UNC13C: variants seen among roughly 807,000 people sequenced by gnomAD.
The protein encoded by UNC13C is unc-13 homolog C.
A neutral mutation model predicts 245.4 loss-of-function variants in UNC13C; 174 were observed. The observed-to-expected ratio is 0.71, with a 90% CI of 0.63 to 0.80. UNC13C has a LOEUF of 0.80. Ranked by LOEUF, UNC13C falls within the 30% of genes least tolerant of loss-of-function variation. The pLI is 0.00. For synonymous variants in UNC13C, 992 were observed against 895.1 expected (o/e 1.11, Z -1.93); for missense variants, 2,829 against 2,602.9 (o/e 1.09, Z -1.89).
chr15:54,390,224 C>T (rs1390368352), intron 17 of UNC13C, among the ~76,000 whole-genome samples: 2 of 152,146 alleles, frequency 1.3e-5, no homozygotes, highest in Non-Finnish European at 1.5e-5. Context: ...CTGTCTTTTG[C>T]ATGTAATGGC....
chr15:54,289,697 A>T (rs189524152), intron 10 of UNC13C, among the ~76,000 whole-genome samples: 280 of 152,160 alleles, frequency 1.8e-3, no homozygotes, highest in Non-Finnish European at 2.8e-3. Flanking sequence ...GGGTCAAATT[A>T]TGTGGTGACA....
At chr15:54,569,997 G>A (rs1382730375) in intron 30 of UNC13C, among the ~76,000 whole-genome samples, 1 of 151,956 alleles carries the variant, frequency 6.6e-6, no homozygotes, top group Non-Finnish European at 1.5e-5. Flanking sequence ...AGCCTGATGT[G>A]CCACTTACTC....
intron 4 of UNC13C, among the ~76,000 whole-genome samples, chr15:54,217,598 G>C (rs1481424927): frequency 6.6e-6 from 1 of 151,826 alleles, no homozygotes; most frequent in Non-Finnish European, 1.5e-5. Context: ...CTTTAATTTT[G>C]TTTCTGTCTA....
intron 16 of UNC13C, among the ~76,000 whole-genome samples, chr15:54,335,314 T>G (rs138065463): frequency 1.3e-5 from 2 of 152,188 alleles, no homozygotes; most frequent in African/African-American, 4.8e-5. Context: ...TTTCCCTTAA[T>G]AGCAAAACTC....
chr15:54,072,822 C>T (rs1156437277), intron 2 of UNC13C, among the ~76,000 whole-genome samples: 1 of 152,076 alleles, frequency 6.6e-6, no homozygotes, highest in Non-Finnish European at 1.5e-5. Flanking sequence ...ATTTACTAAC[C>T]AAACCTTGAC....
chr15:54,087,757 C>G (rs1267199312), intron 2 of UNC13C, among the ~76,000 whole-genome samples: 1 of 152,126 alleles, frequency 6.6e-6, no homozygotes, highest in Non-Finnish European at 1.5e-5. Context: ...AACTACGAAG[C>G]TGGATTAAAT....
intron 18 of UNC13C, among the ~76,000 whole-genome samples, chr15:54,407,364 C>G (rs568757624): frequency 9.9e-5 from 15 of 152,042 alleles, no homozygotes; most frequent in Non-Finnish European, 2.1e-4. Flanking sequence ...CACTGTGGAT[C>G]GTGGCAGAGG....
At chr15:54,297,617 A>T (rs2037470196) in intron 11 of UNC13C, among the ~76,000 whole-genome samples, 194 bp from the exon 12 acceptor site, 1 of 152,170 alleles carries the variant, frequency 6.6e-6, no homozygotes, top group South Asian at 2.1e-4. Context: ...GCTTCCCAAA[A>T]CACTGAGATT....
At chr15:54,294,361 A>G (rs1220100447) in intron 11 of UNC13C, among the ~76,000 whole-genome samples, 2 of 152,078 alleles carry the variant, frequency 1.3e-5, no homozygotes, top group African/African-American at 2.4e-5. Context: ...AGCTTCACAA[A>G]CCCTTGCCAA....
chr15:54,084,261 C>G (rs1899116462), intron 2 of UNC13C, among the ~76,000 whole-genome samples: 1 of 152,190 alleles, frequency 6.6e-6, no homozygotes. Context: ...TGTACTCTTT[C>G]TACTCTCTTT....
chr15:54,534,401 G>A (rs1229108256), intron 26 of UNC13C, among the ~76,000 whole-genome samples: 2 of 152,046 alleles, frequency 1.3e-5, no homozygotes, highest in African/African-American at 4.8e-5. Flanking sequence ...AAGCCTCAAA[G>A]GCATGAAAGA....
intron 13 of UNC13C, among the ~76,000 whole-genome samples, chr15:54,319,822 C>A (rs188248605): frequency 2.0e-5 from 3 of 149,046 alleles, no homozygotes; most frequent in African/African-American, 7.5e-5. Flanking sequence ...TTATCTTTCA[C>A]TTTTATCATA....
rs770266759 is a variant in UNC13C, at chr15:54,014,837, A to T, written c.1934A>T (p.Asp645Val). 1 of 1,613,896 alleles carries T rather than the reference A, an allele frequency of 6.2e-7. No homozygotes were observed. Residue 645 changes from aspartate to valine, a missense_variant, in exon 2 of 33, where the codon GAT (aspartate) becomes GTT (valine). Coordinates refer to ENST00000260323, the MANE Select transcript of UNC13C (RefSeq NM_001080534.3). The part of the protein sequence containing the change: ...CASGDRSHYS[D>V]SQLSLHEDLS... ...TCTGGAGACCGGAGTCATTACAGTG[A>T]TTCTCAGCTCTCTTTACATGAGGAT...
intron 4 of UNC13C, among the ~76,000 whole-genome samples, chr15:54,211,644 A>G (rs2034881768): frequency 4.6e-5 from 7 of 152,100 alleles, no homozygotes; most frequent in Admixed American, 4.6e-4. Flanking sequence ...TAATAACACC[A>G]AAAGTTCACT....
chr15:54,165,154 A>AT (rs1188447280), intron 4 of UNC13C, among the ~76,000 whole-genome samples: 1 of 152,032 alleles, frequency 6.6e-6, no homozygotes, highest in Admixed American at 6.6e-5. Flanking sequence ...ACTGTTTACA[A>AT]TTTTTTGAAT....
At chr15:54,038,116 A>ATTTTTTTTTTTTTTTTT (rs1315947594) in intron 2 of UNC13C, among the ~76,000 whole-genome samples, 1 of 22,596 alleles carries the variant, frequency 4.4e-5, no homozygotes, top group Non-Finnish European at 7.8e-5. Flanking sequence ...ATATATATAT[A>ATTTTTTTTTTTTTTTTT]TATATATATT....
At chr15:54,395,160 C>T (rs955246046) in intron 18 of UNC13C, among the ~76,000 whole-genome samples, 11 of 151,592 alleles carry the variant, frequency 7.3e-5, no homozygotes, top group Non-Finnish European at 1.5e-4. Context: ...TTTTCACATA[C>T]TGAAGATCGT....
chr15:54,296,906 G>A (rs886188030), intron 11 of UNC13C, among the ~76,000 whole-genome samples: 1 of 152,160 alleles, frequency 6.6e-6, no homozygotes, highest in Non-Finnish European at 1.5e-5. Flanking sequence ...CAAAGCTATT[G>A]CTCAGTTTAT....
At chr15:54,153,297 G>A (rs2032605935) in intron 4 of UNC13C, among the ~76,000 whole-genome samples, 1 of 149,952 alleles carries the variant, frequency 6.7e-6, no homozygotes, top group South Asian at 2.2e-4. Context: ...ATTTAAAAAT[G>A]GTATATCTCA....
Sources: allele counts gnomAD v4.1 joint callset (sites outside exome capture counted in the v4.1 genomes callset), GRCh38; gene constraint gnomAD v4.1.1; transcripts MANE v1.5; gene names NCBI Gene and HGNC (gene_info 2026-07-23, HGNC 2026-07-21).